Variants in DCC observed in about 807,000 individuals in gnomAD.
DCC encodes the protein DCC netrin 1 receptor, also known as netrin receptor DCC.
DCC carries 58 observed loss-of-function variants against 172.5 expected under a neutral mutation model. That is an observed-to-expected ratio of 0.34 (90% CI 0.27 to 0.42). The LOEUF is 0.42. Ranked by LOEUF, DCC falls within the 10% of genes least tolerant of loss-of-function variation. The pLI is 1.00. For synonymous variants in DCC, 709 were observed against 644.5 expected, an observed-to-expected ratio of 1.10 and a Z score of -1.52; for missense variants, 1,740 against 1,791.0, an observed-to-expected ratio of 0.97 and a Z score of 0.51.
At chr18:53,471,027 C>T (rs1387874303) in intron 25 of DCC, among the ~76,000 whole-genome samples, 2 of 152,112 alleles carry the variant, frequency 1.3e-5, no homozygotes, top group African/African-American at 4.8e-5. Context: ...AAAACATTTC[C>T]CAAATTTGAC....
chr18:52,637,931 C>A (rs1251484128), intron 1 of DCC, among the ~76,000 whole-genome samples: 2 of 152,132 alleles, frequency 1.3e-5, no homozygotes, highest in Non-Finnish European at 2.9e-5. Context: ...CACCAGGTAA[C>A]CTATAAAGGA....
chr18:52,380,802 C>A (rs771643224), intron 1 of DCC, among the ~76,000 whole-genome samples: 11 of 152,100 alleles, frequency 7.2e-5, no homozygotes, highest in Non-Finnish European at 1.6e-4. Context: ...TTAAATGGTT[C>A]TGTCTGTTCT....
At chr18:52,606,895 T>C (rs1302851750) in intron 1 of DCC, among the ~76,000 whole-genome samples, 1 of 152,190 alleles carries the variant, frequency 6.6e-6, no homozygotes, top group East Asian at 1.9e-4. Context: ...ACTTCCTGAT[T>C]AAGCTATTAT....
chr18:52,899,104 T>A (rs972490909), intron 2 of DCC, among the ~76,000 whole-genome samples: 1 of 152,186 alleles, frequency 6.6e-6, no homozygotes, highest in Non-Finnish European at 1.5e-5. Context: ...TCAGCTCTTT[T>A]CTGCTTTCCT....
At chr18:53,077,492 C>T (rs530424759) in intron 7 of DCC, among the ~76,000 whole-genome samples, 7 of 152,190 alleles carry the variant, frequency 4.6e-5, no homozygotes, top group South Asian at 4.2e-4. Context: ...CCTCTGGTCC[C>T]GTTTTTCCCT....
intron 1 of DCC, among the ~76,000 whole-genome samples, chr18:52,416,667 T>G (rs2144418266): frequency 6.6e-6 from 1 of 151,918 alleles, no homozygotes; most frequent in African/African-American, 2.4e-5. Context: ...TGGTTTAAAG[T>G]CTGTTTTATC....
chr18:52,966,226 T>C (rs901135967), intron 5 of DCC, among the ~76,000 whole-genome samples: 1 of 152,166 alleles, frequency 6.6e-6, no homozygotes, highest in Non-Finnish European at 1.5e-5. Flanking sequence ...TGGTCATGAA[T>C]AAAGAGACAT....
At chr18:53,021,059 T>C (rs1157081203) in intron 5 of DCC, among the ~76,000 whole-genome samples, 1 of 152,128 alleles carries the variant, frequency 6.6e-6, no homozygotes, top group East Asian at 1.9e-4. Flanking sequence ...GACCATCCTC[T>C]CACCTTCTAC....
At chr18:53,407,780 C>T (rs1909761468) in intron 19 of DCC, among the ~76,000 whole-genome samples, 1 of 151,716 alleles carries the variant, frequency 6.6e-6, no homozygotes, top group South Asian at 2.1e-4. Flanking sequence ...AGATGTGGAT[C>T]TTCATGGACA....
chr18:52,785,845 TC>T (rs1310263421), intron 2 of DCC, among the ~76,000 whole-genome samples: 1 of 152,104 alleles, frequency 6.6e-6, no homozygotes, highest in African/African-American at 2.4e-5. Context: ...GTTTAAACTT[TC>T]TAACTTCTCC....
At chr18:53,238,355 G>A (rs973701159) in intron 12 of DCC, among the ~76,000 whole-genome samples, 2 of 152,060 alleles carry the variant, frequency 1.3e-5, no homozygotes, top group African/African-American at 2.4e-5. Flanking sequence ...CCATAAGACT[G>A]TAACTATTTT....
At chr18:52,401,325 C>A (rs1986432034) in intron 1 of DCC, among the ~76,000 whole-genome samples, 1 of 151,982 alleles carries the variant, frequency 6.6e-6, no homozygotes, top group African/African-American at 2.4e-5. Flanking sequence ...CTTTCCATTT[C>A]TCCATCTCTA....
At chr18:53,108,411 A>G (rs762415342) in intron 7 of DCC, among the ~76,000 whole-genome samples, 3 of 151,846 alleles carry the variant, frequency 2.0e-5, no homozygotes, top group Admixed American at 6.6e-5. Context: ...CTTAGTACCA[A>G]TAGATTTTGT....
At chr18:52,909,378 T>C (rs1034671396) in intron 3 of DCC, among the ~76,000 whole-genome samples, 3 of 152,208 alleles carry the variant, frequency 2.0e-5, no homozygotes, top group African/African-American at 4.8e-5. Flanking sequence ...GTCACTAAAT[T>C]ACCATGTTGA....
intron 3 of DCC, among the ~76,000 whole-genome samples, chr18:52,906,651 C>A (rs549803489): frequency 1.5e-4 from 23 of 151,770 alleles, no homozygotes; most frequent in Non-Finnish European, 7.4e-5. Flanking sequence ...ATTTCATTTT[C>A]CTCTGATAAC....
chr18:53,370,034 T>C (rs1371053130), intron 15 of DCC, among the ~76,000 whole-genome samples: 1 of 151,736 alleles, frequency 6.6e-6, no homozygotes, highest in Non-Finnish European at 1.5e-5. Flanking sequence ...AAAGAACTGG[T>C]ACTAATTTTT....
At chr18:52,506,266 A>G (rs917763117) in intron 1 of DCC, among the ~76,000 whole-genome samples, 4 of 152,174 alleles carry the variant, frequency 2.6e-5, no homozygotes, top group African/African-American at 7.2e-5. Context: ...CAGCTATAAT[A>G]GAATACCTTT....
At chr18:53,250,485 C>A (rs1407343782) in intron 12 of DCC, among the ~76,000 whole-genome samples, 1 of 151,844 alleles carries the variant, frequency 6.6e-6, no homozygotes, top group Non-Finnish European at 1.5e-5. Context: ...TACCTAGGGT[C>A]CCTCTGCCTT....
chr18:53,229,595 G>A lies in DCC; in HGVS notation c.1911+13998G>A, dbSNP rs147901072. Among the ~76,000 whole-genome samples the A allele has an allele frequency of 7.5e-3, 1,141 of 151,982 alleles. 7 individuals are homozygous for A. Among genetic ancestry groups the A allele is most frequent in the Admixed American group, 0.024 (361 of 15,260 alleles). Reference sequence around the variant, plus strand: ...TGGCAGCTTGAAATTGGCCTTCTTCGGTGTATTTGCACCACAGAACTCAGC... The same window carrying A: ...TGGCAGCTTGAAATTGGCCTTCTTCAGTGTATTTGCACCACAGAACTCAGC... On this transcript the variant is annotated intron_variant, in intron 12 of 28. Coordinates refer to ENST00000442544, the MANE Select transcript of DCC (RefSeq NM_005215.4).
Sources: gnomAD v4.1 joint callset for allele counts (sites outside exome capture counted in the v4.1 genomes callset) on GRCh38, gnomAD v4.1.1 for gene constraint, MANE v1.5 for transcripts, NCBI Gene and HGNC (gene_info 2026-07-23, HGNC 2026-07-21) for gene names.